SRBD1: variants seen among roughly 807,000 people sequenced by gnomAD.
SRBD1 encodes the protein S1 RNA-binding domain-containing protein 1.
In SRBD1, 88 loss-of-function variants were observed where a neutral mutation model predicts 115.3. That is an observed-to-expected ratio of 0.76 (90% CI 0.64 to 0.91). The LOEUF is 0.91. Ranked by LOEUF, SRBD1 falls within the 40% of genes least tolerant of loss-of-function variation. The pLI is 0.00. For synonymous variants in SRBD1, 509 were observed against 407.7 expected (o/e 1.25, Z -2.99); for missense variants, 1,385 against 1,177.4 (o/e 1.18, Z -2.58).
At chr2:45,491,847 A>G (rs1301356832) in intron 14 of SRBD1, among the ~76,000 whole-genome samples, 2 of 152,136 alleles carry the variant, frequency 1.3e-5, no homozygotes, top group African/African-American at 2.4e-5. Context: ...TTTGAGACAG[A>G]GTCTCACTCT....
chr2:45,464,476 C>G (rs1394048166), intron 16 of SRBD1, among the ~76,000 whole-genome samples: 2 of 152,148 alleles, frequency 1.3e-5, no homozygotes, highest in Non-Finnish European at 1.5e-5. Flanking sequence ...ATATAATAAA[C>G]AAGTAACAGC....
At chr2:45,473,392 A>G (rs1474678444) in intron 16 of SRBD1, among the ~76,000 whole-genome samples, 1 of 152,226 alleles carries the variant, frequency 6.6e-6, no homozygotes, top group Non-Finnish European at 1.5e-5. Flanking sequence ...TTTAAAAACT[A>G]TCAGGCTCAA....
chr2:45,392,015 G>A (rs1667018206), intron 20 of SRBD1, among the ~76,000 whole-genome samples: 1 of 152,098 alleles, frequency 6.6e-6, no homozygotes, highest in Non-Finnish European at 1.5e-5. Context: ...AAATGGAGAT[G>A]GATTTGTCTG....
chr2:45,431,240 G>A (rs1357435909), intron 16 of SRBD1, among the ~76,000 whole-genome samples: 1 of 152,180 alleles, frequency 6.6e-6, no homozygotes, highest in Non-Finnish European at 1.5e-5. Context: ...AAGACAGTGT[G>A]GTGATTCCTC....
At chr2:45,455,910 T>C (rs557666212) in intron 16 of SRBD1, among the ~76,000 whole-genome samples, 24 of 151,864 alleles carry the variant, frequency 1.6e-4, no homozygotes, top group Non-Finnish European at 2.9e-4. Context: ...ATTTATAAAA[T>C]AAGCCCCACT....
At chr2:45,587,132 T>TA (rs1449894133) in intron 4 of SRBD1, among the ~76,000 whole-genome samples, 3 of 131,282 alleles carry the variant, frequency 2.3e-5, no homozygotes, top group Non-Finnish European at 3.1e-5. Context: ...TTAAAATATT[T>TA]AAAATTTTTT....
chr2:45,474,470 T>G (rs1669746105), intron 16 of SRBD1, among the ~76,000 whole-genome samples: 1 of 152,222 alleles, frequency 6.6e-6, no homozygotes, highest in Non-Finnish European at 1.5e-5. Flanking sequence ...TTCCTGACAT[T>G]CGAAGGTCTC....
chr2:45,579,507 T>C (rs887847384), intron 7 of SRBD1, among the ~76,000 whole-genome samples: 1 of 152,148 alleles, frequency 6.6e-6, no homozygotes, highest in African/African-American at 2.4e-5. Context: ...AAAAGATGAT[T>C]AACTATAATA....
intron 9 of SRBD1, among the ~76,000 whole-genome samples, chr2:45,569,776 C>T (rs1230182183): frequency 6.6e-6 from 1 of 152,078 alleles, no homozygotes; most frequent in Non-Finnish European, 1.5e-5. Context: ...ATTATACTGG[C>T]ATCAGATTTC....
intron 19 of SRBD1, among the ~76,000 whole-genome samples, chr2:45,398,967 C>G (rs1189362978): frequency 6.6e-6 from 1 of 152,008 alleles, no homozygotes; most frequent in Non-Finnish European, 1.5e-5. Flanking sequence ...CCAAAGACAT[C>G]TAAACTGTTG....
chr2:45,571,064 G>A (rs950691624), intron 9 of SRBD1, among the ~76,000 whole-genome samples: 2 of 152,094 alleles, frequency 1.3e-5, no homozygotes, highest in African/African-American at 4.8e-5. Context: ...CATGCTGAGG[G>A]CTAGGTGTAT....
chr2:45,395,277 G>T (rs1057361498), intron 19 of SRBD1, among the ~76,000 whole-genome samples: 1 of 152,148 alleles, frequency 6.6e-6, no homozygotes, highest in African/African-American at 2.4e-5. Context: ...ATCTTGAATA[G>T]CATTTTATAA....
At chr2:45,492,021 C>T (rs781047903) in intron 14 of SRBD1, among the ~76,000 whole-genome samples, 2 of 151,980 alleles carry the variant, frequency 1.3e-5, no homozygotes, top group African/African-American at 2.4e-5. Context: ...GGGGTTTTGC[C>T]GTGTTGGTCA....
At position 45,484,106 on chromosome 2, in the gene SRBD1, A is replaced by G. The variant is rs970103879; in HGVS notation, c.1966+4134T>C. Among the ~76,000 whole-genome samples the G allele has an allele frequency of 6.6e-5, 10 of 152,020 alleles. 1 individual carries two copies. Among genetic ancestry groups the G allele is most frequent in the African/African-American group, 2.4e-4 (10 of 41,460 alleles). The stretch of plus-strand genomic sequence containing the variant: ...GTCTTCATCATCTCTATTTCCTCCA[A>G]GTAGCTTTTTTTCTTCCCTAGTGTA... On this transcript the variant is annotated intron_variant, in intron 15 of 20. Transcript: ENST00000263736.
At chr2:45,594,328 G>C (rs1010622721) in intron 4 of SRBD1, among the ~76,000 whole-genome samples, 1 of 152,120 alleles carries the variant, frequency 6.6e-6, no homozygotes, top group Non-Finnish European at 1.5e-5. Flanking sequence ...TTTTCTCCCT[G>C]TTTAGCAAAC....
At chr2:45,530,118 G>C (rs112840532) in intron 14 of SRBD1, among the ~76,000 whole-genome samples, 2,515 of 152,012 alleles carry the variant, frequency 0.017, 66 homozygotes, top group African/African-American at 0.057. Context: ...ATGTTGAAAG[G>C]AAAAAGAAAA....
intron 16 of SRBD1, among the ~76,000 whole-genome samples, chr2:45,434,918 C>G (rs747806345): frequency 6.6e-6 from 1 of 151,962 alleles, no homozygotes. Context: ...TATCCCTCCC[C>G]GCTCCCCCCA....
At chr2:45,511,145 G>C in intron 14 of SRBD1, among the ~76,000 whole-genome samples, 1 of 152,142 alleles carries the variant, frequency 6.6e-6, no homozygotes, top group East Asian at 1.9e-4. Flanking sequence ...AGGTGCTCCA[G>C]GAAAATAAAA....
intron 14 of SRBD1, among the ~76,000 whole-genome samples, chr2:45,516,762 C>T (rs1279041579): frequency 2.6e-5 from 4 of 152,100 alleles, no homozygotes; most frequent in African/African-American, 9.7e-5. Flanking sequence ...GTACCCTCAC[C>T]ATATAGATGC....
Sources: allele counts gnomAD v4.1 joint callset (sites outside exome capture counted in the v4.1 genomes callset), GRCh38; gene constraint gnomAD v4.1.1; transcripts MANE v1.5; gene names NCBI Gene and HGNC (gene_info 2026-07-23, HGNC 2026-07-21).